ATXN3: variants seen among roughly 807,000 people sequenced by gnomAD.
The protein encoded by ATXN3 is ataxin-3.
ATXN3 carries 28 observed loss-of-function variants against 58.2 expected under a neutral mutation model. That is an observed-to-expected ratio of 0.48 (90% CI 0.36 to 0.66). ATXN3 has a LOEUF of 0.66. Among genes scored for constraint, ATXN3 ranks in the 30% least tolerant of loss-of-function variants. The pLI is 0.00. For synonymous variants in ATXN3, 113 were observed against 138.5 expected (o/e 0.82, Z 1.29); for missense variants, 321 against 422.1 (o/e 0.76, Z 2.10).
chr14:92,084,725 ACC>A, intron 6 of ATXN3, among the ~76,000 whole-genome samples: 1 of 151,798 alleles, frequency 6.6e-6, no homozygotes, highest in East Asian at 1.9e-4. Flanking sequence ...GATTACAGGC[ACC>A]CACCACCACA....
At chr14:92,075,460 C>T (rs1394669971) in intron 9 of ATXN3, among the ~76,000 whole-genome samples, 1 of 152,092 alleles carries the variant, frequency 6.6e-6, no homozygotes, top group African/African-American at 2.4e-5. Context: ...AGCCATAGCG[C>T]CCAGCCAAAA....
intron 9 of ATXN3, among the ~76,000 whole-genome samples, chr14:92,079,641 T>C (rs910941419): frequency 1.3e-5 from 2 of 152,218 alleles, no homozygotes; most frequent in Admixed American, 6.5e-5. Context: ...ATGGATGAAA[T>C]ACAGCAAATA....
chr14:92,080,809 C>G, intron 9 of ATXN3, 156 bp downstream of exon 9: 1 of 675,134 alleles, frequency 1.5e-6, no homozygotes, highest in Non-Finnish European at 2.6e-6. Context: ...CTGCTAGCAT[C>G]ACAGGCGTAA....
chr14:92,102,147 G>A (rs1042389386), intron 1 of ATXN3, among the ~76,000 whole-genome samples: 6 of 151,240 alleles, frequency 4.0e-5, no homozygotes, highest in African/African-American at 7.3e-5. Flanking sequence ...GTGAGACTCT[G>A]AAGAAAGTTC....
intron 9 of ATXN3, among the ~76,000 whole-genome samples, chr14:92,076,455 G>GAAAAAAA (rs374353802): frequency 3.0e-5 from 3 of 98,540 alleles, no homozygotes; most frequent in African/African-American, 7.2e-5. Flanking sequence ...TCTCAAAAAA[G>GAAAAAAA]AAAAAAAAAA....
intron 5 of ATXN3, among the ~76,000 whole-genome samples, chr14:92,089,629 C>A (rs549501128): frequency 6.6e-6 from 1 of 152,132 alleles, no homozygotes; most frequent in Non-Finnish European, 1.5e-5. Context: ...TGAGCCACCG[C>A]GCCCGGCCCT....
intron 1 of ATXN3, among the ~76,000 whole-genome samples, chr14:92,106,076 G>A (rs142371486): frequency 7.6e-4 from 115 of 151,844 alleles, no homozygotes; most frequent in Non-Finnish European, 1.4e-3. Context: ...CTCCAATATA[G>A]AATTGAGCAG....
At chr14:92,086,606 G>A (rs936721045) in intron 6 of ATXN3, among the ~76,000 whole-genome samples, 39 of 150,984 alleles carry the variant, frequency 2.6e-4, no homozygotes, top group African/African-American at 8.3e-4. Flanking sequence ...GGTGGTGCAC[G>A]CCTGTAATCC....
At chr14:92,094,203 G>A (rs1444905609) in intron 3 of ATXN3, among the ~76,000 whole-genome samples, 1 of 151,998 alleles carries the variant, frequency 6.6e-6, no homozygotes, top group Non-Finnish European at 1.5e-5. Flanking sequence ...GCCTCCCAAA[G>A]TACTGGGATT....
At chr14:92,076,706 G>A (rs1246147385) in intron 9 of ATXN3, among the ~76,000 whole-genome samples, 1 of 151,716 alleles carries the variant, frequency 6.6e-6, no homozygotes, top group Non-Finnish European at 1.5e-5. Context: ...TTGGGAGGCC[G>A]AGGTAGGCAG....
intron 6 of ATXN3, among the ~76,000 whole-genome samples, chr14:92,086,253 C>CAAAAAAAAAAAAAAAAAAA (rs869147623): frequency 3.5e-4 from 33 of 94,820 alleles, no homozygotes; most frequent in African/African-American, 3.9e-4. Context: ...ACTAAAAATA[C>CAAAAAAAAAAAAAAAAAAA]AAAAAAAAAA....
chr14:92,096,281 T>C lies in ATXN3; in HGVS notation c.190-144A>G. ...GCACAGTTATAATTCACCAGTCAGA[T>C]CCCTATAGGAAGAATGGCCCATCCT... On this transcript the variant is annotated intron_variant, in intron 2 of 10. Transcript: ENST00000644486. The C allele has an allele frequency of 1.9e-6, 3 of 1,545,332 alleles. No individual in the cohort carries two copies. The Admixed American group carries it at 5.8e-5, about 30-fold the overall frequency.
chr14:92,089,077 C>T (rs531342378), intron 5 of ATXN3, among the ~76,000 whole-genome samples: 211 of 151,644 alleles, frequency 1.4e-3, no homozygotes, highest in African/African-American at 4.9e-3. Context: ...AGTGCAGTGG[C>T]ATGATCTCGG....
rs529742601 is a variant in ATXN3 at position 92,063,113 on chromosome 14, T to A, written c.*1207A>T. 2.0e-5 allele frequency: 3 copies of A among 152,680 alleles called. No homozygotes were observed. Among genetic ancestry groups the A allele is most frequent in the Non-Finnish European group, 4.4e-5 (3 of 68,044 alleles). 9.5% of individuals were successfully genotyped at this position (152,680 alleles called of 1,614,324 possible). A position where few individuals can be genotyped will look rare whatever the true frequency, so the allele number is the denominator to read the frequency against. ...TCAAAACTATGGACTTTCTTATTTA[T>A]AGATCCACTAAGTACTGTGACTTCC... On this transcript the variant is annotated 3_prime_UTR_variant, in exon 11 of 11. Coordinates refer to ENST00000644486, the MANE Select transcript of ATXN3 (RefSeq NM_004993.6).
chr14:92,077,799 C>G (rs2060686716), intron 9 of ATXN3, among the ~76,000 whole-genome samples: 1 of 151,884 alleles, frequency 6.6e-6, no homozygotes, highest in Non-Finnish European at 1.5e-5. Context: ...TGTGCACCAC[C>G]ATGCCCAACT....
At chr14:92,086,253 CA>C (rs869147623) in intron 6 of ATXN3, among the ~76,000 whole-genome samples, 3,789 of 94,906 alleles carry the variant, frequency 0.04, 83 homozygotes, top group African/African-American at 0.05. Context: ...ACTAAAAATA[CA>C]AAAAAAAAAA....
In ATXN3 at chr14:92,060,817, C is replaced by T. The variant is rs1479889883; in HGVS notation, c.*3503G>A. ...GCACCATCTTGGCTCACTGCATCCT[C>T]TGTCGCCAGGGTTCAAGCAATTCTC... is the stretch of plus-strand genomic sequence containing the variant. On this transcript the variant is annotated 3_prime_UTR_variant, in exon 11 of 11. Transcript: ENST00000644486. The T allele has an allele frequency of 6.6e-6, 1 of 151,010 alleles. No individual in the cohort carries two copies. The highest frequency in any genetic ancestry group is 2.0e-4 in the East Asian group (1 of 5,098). The allele number at this position is 151,010 out of a possible 1,614,324, so 9.4% of individuals were successfully genotyped here. A position where few individuals can be genotyped will look rare whatever the true frequency, so the allele number is the denominator to read the frequency against.
At chr14:92,054,320 C>A (rs954654917), downstream of ATXN3, among the ~76,000 whole-genome samples, 6 of 152,170 alleles carry the variant, frequency 3.9e-5, no homozygotes, top group African/African-American at 1.4e-4. Flanking sequence ...TTCTAAGTCA[C>A]AGGATGAGAT....
At chr14:92,048,925 T>A (rs944537789) in intron 1 of ATXN3, among the ~76,000 whole-genome samples, 1 of 152,116 alleles carries the variant, frequency 6.6e-6, no homozygotes, top group African/African-American at 2.4e-5. Context: ...TGAGTCGCAC[T>A]GGGAGCAGAG....
Sources: gnomAD v4.1 joint callset for allele counts (sites outside exome capture counted in the v4.1 genomes callset) on GRCh38, gnomAD v4.1.1 for gene constraint, MANE v1.5 for transcripts, NCBI Gene and HGNC (gene_info 2026-07-23, HGNC 2026-07-21) for gene names.